Variants in CNGA2 observed in about 807,000 individuals in gnomAD.
CNGA2 encodes cyclic nucleotide gated channel subunit alpha 2.
CNGA2 carries 22 observed loss-of-function variants against 35.9 expected under a neutral mutation model. The observed-to-expected ratio is 0.61, with a 90% CI of 0.44 to 0.88. CNGA2 has a LOEUF of 0.88. Among genes scored for constraint, CNGA2 ranks in the 40% least tolerant of loss-of-function variants. The pLI is 0.00. For missense variants in CNGA2, 555 were observed against 530.8 expected, an observed-to-expected ratio of 1.05 and a Z score of -0.45; for synonymous variants, 217 against 209.2, an observed-to-expected ratio of 1.04 and a Z score of -0.32.
intron 3 of CNGA2, 118 bp from the exon 4 acceptor site, chrX:151,739,444 G>A: frequency 1.2e-6 from 1 of 809,297 alleles, no homozygotes; most frequent in Non-Finnish European, 1.7e-6. Flanking sequence ...TGGCCTGTTT[G>A]TAGGTTTCAC....
At chrX:151,741,927 C>A (rs1445241011) in intron 5 of CNGA2, among the ~76,000 whole-genome samples, 2 of 112,090 alleles carry the variant, frequency 1.8e-5, no homozygotes, top group East Asian at 5.7e-4. Flanking sequence ...TTGACTAGTA[C>A]ACTCACTGGA....
In CNGA2 at chrX:151,743,293, G is replaced by A. The variant is rs1041570194; in HGVS notation, c.790G>A (p.Glu264Lys). The change falls in exon 7 of 7, where the codon GAG becomes AAG. Residue 264 changes from glutamate to lysine, a missense_variant. Physicochemically the swap from Glu to Lys is moderately conservative, Grantham distance 56 (BLOSUM62 1). Transcript: ENST00000329903. ...CATGTTTGAGTTCTTTGACCGGACA[G>A]AGACACGCACCAACTACCCTAACAT... ...ARMFEFFDRTETRTNYPNIFR... is the reference protein window; with the variant it reads ...ARMFEFFDRTKTRTNYPNIFR... The A allele has an allele frequency of 2.6e-5, 31 of 1,208,751 alleles. No homozygotes were observed. Among genetic ancestry groups the A allele is most frequent in the Middle Eastern group, 2.3e-4 (1 of 4,351 alleles).
In CNGA2 at chrX:151,744,975, G is replaced by C. The variant is rs2015362248; in HGVS notation, c.*477G>C. 1 of 117,949 alleles carries C rather than the reference G, an allele frequency of 8.5e-6. No homozygotes were observed. The highest frequency in any genetic ancestry group is 3.2e-5 in the African/African-American group (1 of 31,094). 9.7% of individuals were successfully genotyped at this position (117,949 alleles called of 1,213,427 possible). A position where few individuals can be genotyped will look rare whatever the true frequency, so the allele number is the denominator to read the frequency against. ...AGTGTTGTTGGGAGGGGGTAGAAGG[G>C]TGCCCACTCAGGGTTATTCCTCCCC... is the stretch of plus-strand genomic sequence containing the variant. On this transcript the variant is annotated 3_prime_UTR_variant, in exon 7 of 7. Coordinates refer to ENST00000329903, the MANE Select transcript of CNGA2 (RefSeq NM_005140.3).
Position 151,739,711 on chromosome X carries a change from A to G in CNGA2, c.353A>G (p.Asp118Gly). Residue 118 changes from aspartate (D) to glycine (G), a missense_variant, in exon 4 of 7, where the codon GAT becomes GGT. Transcript: ENST00000329903. ...GAGGGGGATGGCAAAGGCGACAAGG[A>G]TGGCGAGGACAAAGGCACCAAGTAC... ...TQEGDGKGDK[D>G]GEDKGTKKKF... The G allele has an allele frequency of 8.3e-7, 1 of 1,211,624 alleles. No individual in the cohort carries two copies. The highest frequency in any genetic ancestry group is 1.7e-5 in the African/African-American group (1 of 57,800).
At position 151,745,472 on chromosome X, in the gene CNGA2, C is replaced by T. The variant is rs926182072; in HGVS notation, c.*974C>T. On this transcript the variant is annotated 3_prime_UTR_variant, in exon 7 of 7. Transcript: ENST00000329903. ...TCAAGTCCCTGATACAAAATGACGT[C>T]GTATTTGAATATAACCTATGCACAT... 9.0e-5 allele frequency among the ~76,000 whole-genome samples: 10 copies of T among 111,599 alleles called. No individual in the cohort carries two copies. The highest frequency in any genetic ancestry group is 3.3e-4 in the African/African-American group (10 of 30,603).
At chrX:151,741,587 C>T (rs909423948) in intron 5 of CNGA2, among the ~76,000 whole-genome samples, 2 of 112,125 alleles carry the variant, frequency 1.8e-5, no homozygotes, top group Non-Finnish European at 3.8e-5. Flanking sequence ...CGGACAGTGA[C>T]TGTAAACCTG....
In CNGA2 at chrX:151,743,402, T is replaced by A. The variant is rs368109097; in HGVS notation, c.899T>A (p.Ile300Lys). 2 of 1,210,041 alleles carry A rather than the reference T, an allele frequency of 1.7e-6. No individual in the cohort carries two copies. Among genetic ancestry groups the A allele is most frequent in the African/African-American group, 3.5e-5 (2 of 57,203 alleles). Reference protein sequence around the residue: ...ACIYYAISKSIGFGVDTWVYP... With the variant: ...ACIYYAISKSKGFGVDTWVYP... The stretch of plus-strand genomic sequence containing the variant: ...ATCTATTATGCCATCTCCAAATCCA[T>A]AGGCTTTGGGGTCGACACCTGGGTT... Residue 300 changes from isoleucine to lysine, a missense_variant, in exon 7 of 7, where the codon ATA becomes AAA. Transcript: ENST00000329903.
rs1441127017 is a variant in CNGA2, at chrX:151,743,816, C to A, written c.1313C>A (p.Ala438Asp). ...AAGAATCTGCCAGCCAAGCTCAGGG[C>A]TGAGATAGCCATCAATGTCCACTTG... ...ILKNLPAKLR[A>D]EIAINVHLST... is the part of the protein sequence containing the mutation. Residue 438 changes from alanine (A) to aspartate (D), a missense_variant, in exon 7 of 7, where the codon GCT (alanine) becomes GAT (aspartate). Coordinates refer to ENST00000329903, the MANE Select transcript of CNGA2 (RefSeq NM_005140.3). 7 of 1,209,855 alleles carry A rather than the reference C, an allele frequency of 5.8e-6. No homozygotes were observed. The highest frequency in any genetic ancestry group is 7.8e-6 in the Non-Finnish European group (7 of 895,246).
At position 151,744,614 on chromosome X, in the gene CNGA2, C is replaced by T; in HGVS notation, c.*116C>T. On this transcript the variant is annotated 3_prime_UTR_variant, in exon 7 of 7. Coordinates refer to ENST00000329903, the MANE Select transcript of CNGA2 (RefSeq NM_005140.3). ...TACCCTCATGTTCCCTGAATTCTCC[C>T]AAAAGCCTCTCTGACCCTGGGTTTT... 3 of 668,937 alleles carry T rather than the reference C, an allele frequency of 4.5e-6. No homozygotes were observed. Among genetic ancestry groups the T allele is most frequent in the Non-Finnish European group, 6.5e-6 (3 of 461,403 alleles). The allele number at this position is 668,937 out of a possible 1,213,427, so 55.1% of individuals were successfully genotyped here. A position where few individuals can be genotyped will look rare whatever the true frequency, so the allele number is the denominator to read the frequency against.
At chrX:151,740,509 A>G (rs777018934) in intron 4 of CNGA2, among the ~76,000 whole-genome samples, 8 of 112,248 alleles carry the variant, frequency 7.1e-5, no homozygotes, top group African/African-American at 2.6e-4. Flanking sequence ...CTGCCCCTTG[A>G]CATGCCCTCT....
chrX:151,745,277 C>T lies in CNGA2; in HGVS notation c.*779C>T, dbSNP rs767190642. 8 of 111,917 alleles carry T rather than the reference C, an allele frequency of 7.1e-5. No homozygotes were observed. The highest frequency in any genetic ancestry group is 2.3e-4 in the African/African-American group (7 of 30,762). 9.2% of individuals were successfully genotyped at this position (111,917 alleles called of 1,213,427 possible). A position where few individuals can be genotyped will look rare whatever the true frequency, so the allele number is the denominator to read the frequency against. On this transcript the variant is annotated 3_prime_UTR_variant, in exon 7 of 7. Transcript: ENST00000329903. ...CAAGTTAATATCTGCATTAGAGGCA[C>T]CTATGAGTTAAAAAATTCCTTTGAA...
intron 1 of CNGA2, among the ~76,000 whole-genome samples, chrX:151,738,242 T>G (rs1451572740): frequency 8.9e-6 from 1 of 111,881 alleles, no homozygotes; most frequent in Non-Finnish European, 1.9e-5. Flanking sequence ...AATTACATAT[T>G]AGGGTTGGGG....
intron 1 of CNGA2, among the ~76,000 whole-genome samples, chrX:151,736,592 C>T (rs924312906): frequency 5.4e-5 from 6 of 110,727 alleles, no homozygotes; most frequent in Non-Finnish European, 1.1e-4. Flanking sequence ...CTTGAGGTTT[C>T]CTGGAGAGGG....
chrX:151,742,063 A>T (rs1051990501), intron 5 of CNGA2, among the ~76,000 whole-genome samples: 17 of 112,231 alleles, frequency 1.5e-4, no homozygotes, highest in African/African-American at 5.2e-4. Flanking sequence ...TCCCACTACT[A>T]TTCTCCCTCT....
chrX:151,736,470 G>A (rs975386921), intron 1 of CNGA2, among the ~76,000 whole-genome samples: 1 of 112,028 alleles, frequency 8.9e-6, no homozygotes, highest in African/African-American at 3.2e-5. Flanking sequence ...AAGGAGTTAC[G>A]GTTGACACCA....
intron 6 of CNGA2, among the ~76,000 whole-genome samples, 166 bp from the exon 7 acceptor site, chrX:151,742,927 T>TATATATATATATATATATATCCATAC (rs746065892): frequency 2.5e-5 from 2 of 78,484 alleles, no homozygotes; most frequent in African/African-American, 1.2e-4. Context: ...TAGGGAAGGA[T>TATATATATATATATATATATCCATAC]ATATATATAT....
Position 151,744,566 on chromosome X carries a change from T to C in CNGA2, c.*68T>C. ...GATCCCAGAAGCTAGAGGAGCTATT[T>C]AGATCTCCGGATTTACATGCATTAC... On this transcript the variant is annotated 3_prime_UTR_variant, in exon 7 of 7. Transcript: ENST00000329903. 1.1e-6 allele frequency: 1 copy of C among 917,564 alleles called. No individual in the cohort carries two copies. Among genetic ancestry groups the C allele is most frequent in the Non-Finnish European group, 1.5e-6 (1 of 665,164 alleles). The allele number at this position is 917,564 out of a possible 1,213,427, so 75.6% of individuals were successfully genotyped here.
At chrX:151,737,161 C>T (rs1326086964) in intron 1 of CNGA2, among the ~76,000 whole-genome samples, 1 of 111,825 alleles carries the variant, frequency 8.9e-6, no homozygotes, top group Non-Finnish European at 1.9e-5. Context: ...GGACAGCTTC[C>T]GGACTGTGGG....
At position 151,734,860 on chromosome X, in the gene CNGA2, C is replaced by T. The variant is rs180987215; in HGVS notation, c.-110C>T. ...TGGGATAAATCGTGTTCCTGTCTAT[C>T]TCTTACTCTGGGACCACCACTGAGC... is the stretch of plus-strand genomic sequence containing the variant. On this transcript the variant is annotated 5_prime_UTR_variant, in exon 1 of 7. Transcript: ENST00000329903. Among the ~76,000 whole-genome samples, 330 of 111,832 alleles carry T rather than the reference C, an allele frequency of 3.0e-3. 2 individuals carry two copies. Among genetic ancestry groups the T allele is most frequent in the African/African-American group, 0.01 (316 of 30,801 alleles).
Sources: allele counts gnomAD v4.1 joint callset (sites outside exome capture counted in the v4.1 genomes callset), GRCh38; gene constraint gnomAD v4.1.1; transcripts MANE v1.5; gene names NCBI Gene and HGNC (gene_info 2026-07-23, HGNC 2026-07-21).